The following GULP1 variants were observed in gnomAD, a reference collection of about 807,000 sequenced individuals.
The protein encoded by GULP1 is GULP PTB domain containing engulfment adaptor 1, also known as PTB domain-containing engulfment adapter protein 1.
A neutral mutation model predicts 40.9 loss-of-function variants in GULP1; 19 were observed. That is an observed-to-expected ratio of 0.46 (90% CI 0.32 to 0.68). GULP1 has a LOEUF of 0.68. Ranked by LOEUF, GULP1 falls within the 30% of genes least tolerant of loss-of-function variation. The pLI is 0.03. For missense variants in GULP1, 312 were observed against 362.2 expected, an observed-to-expected ratio of 0.86 and a Z score of 1.12; for synonymous variants, 119 against 117.6, an observed-to-expected ratio of 1.01 and a Z score of -0.08.
chr2:188,375,452 A>T (rs1276060118), intron 1 of GULP1, among the ~76,000 whole-genome samples: 2 of 152,204 alleles, frequency 1.3e-5, no homozygotes, highest in African/African-American at 4.8e-5. Flanking sequence ...AAGTTAATGA[A>T]TGCTTTCTGG....
intron 6 of GULP1, among the ~76,000 whole-genome samples, chr2:188,538,229 GT>G: frequency 6.6e-6 from 1 of 151,954 alleles, no homozygotes; most frequent in South Asian, 2.1e-4. Context: ...TAGCTTTGGG[GT>G]TAGTTGATAT....
chr2:188,491,978 G>T (rs192863585), intron 4 of GULP1, among the ~76,000 whole-genome samples: 4 of 151,870 alleles, frequency 2.6e-5, no homozygotes, highest in African/African-American at 7.2e-5. Context: ...CTTTTTGCTA[G>T]AACTAAGTGG....
At chr2:188,347,101 T>C (rs2043786841) in intron 1 of GULP1, among the ~76,000 whole-genome samples, 1 of 152,152 alleles carries the variant, frequency 6.6e-6, no homozygotes, top group African/African-American at 2.4e-5. Flanking sequence ...ATTGCTATTA[T>C]TTTATCACAA....
chr2:188,399,116 C>G (rs367970923), intron 2 of GULP1, among the ~76,000 whole-genome samples: 2 of 152,138 alleles, frequency 1.3e-5, no homozygotes, highest in African/African-American at 4.8e-5. Context: ...TCTTAGATCA[C>G]AAGTAACAGA....
chr2:188,580,548 G>A (rs1374355828), intron 9 of GULP1, among the ~76,000 whole-genome samples: 14 of 50,748 alleles, frequency 2.8e-4, no homozygotes, highest in South Asian at 1.3e-3. Flanking sequence ...GCGAGACTCC[G>A]TCTCAAAAAA....
At chr2:188,521,279 A>G (rs1459279294) in intron 4 of GULP1, among the ~76,000 whole-genome samples, 1 of 152,188 alleles carries the variant, frequency 6.6e-6, no homozygotes, top group African/African-American at 2.4e-5. Context: ...ACTTCTGTTT[A>G]GGAGGTATTA....
intron 2 of GULP1, among the ~76,000 whole-genome samples, chr2:188,414,700 T>A (rs1203443663): frequency 6.6e-6 from 1 of 152,132 alleles, no homozygotes; most frequent in Admixed American, 6.5e-5. Flanking sequence ...GGGCTTACAA[T>A]TTTGCTGTAT....
At chr2:188,507,161 C>T (rs567517667) in intron 4 of GULP1, among the ~76,000 whole-genome samples, 8 of 151,862 alleles carry the variant, frequency 5.3e-5, no homozygotes, top group African/African-American at 1.5e-4. Context: ...GGGATGTCAT[C>T]AAGGACTTTA....
chr2:188,311,402 G>C (rs1322948966), intron 1 of GULP1, among the ~76,000 whole-genome samples: 1 of 152,014 alleles, frequency 6.6e-6, no homozygotes, highest in African/African-American at 2.4e-5. Flanking sequence ...TCACCATGTT[G>C]GTCAGGATGG....
At chr2:188,309,251 A>G (rs2037661127) in intron 1 of GULP1, among the ~76,000 whole-genome samples, 1 of 152,076 alleles carries the variant, frequency 6.6e-6, no homozygotes, top group Non-Finnish European at 1.5e-5. Context: ...AGGTTGCTTG[A>G]GCCCAGCAGT....
chr2:188,472,058 T>A (rs2060633159), intron 2 of GULP1, among the ~76,000 whole-genome samples: 1 of 152,204 alleles, frequency 6.6e-6, no homozygotes, highest in South Asian at 2.1e-4. Context: ...GGATAAAAGA[T>A]TTTTTTCCTT....
intron 2 of GULP1, among the ~76,000 whole-genome samples, chr2:188,418,780 A>C (rs374107647): frequency 6.6e-6 from 1 of 152,250 alleles, no homozygotes; most frequent in Non-Finnish European, 1.5e-5. Flanking sequence ...TGTGTAATAC[A>C]TTATTGTTGA....
chr2:188,449,430 C>T (rs191392096), intron 2 of GULP1, among the ~76,000 whole-genome samples: 71 of 152,198 alleles, frequency 4.7e-4, no homozygotes, highest in Admixed American at 9.8e-4. Context: ...GGCCTGCAAC[C>T]CCAATACATC....
intron 2 of GULP1, among the ~76,000 whole-genome samples, chr2:188,435,666 G>A (rs2152838689): frequency 6.6e-6 from 1 of 152,194 alleles, no homozygotes; most frequent in African/African-American, 2.4e-5. Context: ...TTTCTGGGCT[G>A]TATTCTCATC....
At chr2:188,532,654 A>G (rs1056586813) in intron 6 of GULP1, among the ~76,000 whole-genome samples, 1 of 151,748 alleles carries the variant, frequency 6.6e-6, no homozygotes, top group Non-Finnish European at 1.5e-5. Flanking sequence ...GCAGTGGCTC[A>G]TGCCTGTAAT....
chr2:188,579,685 A>C (rs532722277), intron 9 of GULP1, among the ~76,000 whole-genome samples: 1 of 152,304 alleles, frequency 6.6e-6, no homozygotes, highest in Non-Finnish European at 1.5e-5. Flanking sequence ...TCCCTGATTT[A>C]CCATTCTGAA....
At chr2:188,425,743 A>C (rs2056106523) in intron 2 of GULP1, among the ~76,000 whole-genome samples, 1 of 152,128 alleles carries the variant, frequency 6.6e-6, no homozygotes, top group Non-Finnish European at 1.5e-5. Context: ...ATGAGTACTG[A>C]GTTTAAAATT....
chr2:188,522,287 A>G (rs1373366505), intron 4 of GULP1, among the ~76,000 whole-genome samples: 3 of 152,170 alleles, frequency 2.0e-5, no homozygotes, highest in Admixed American at 2.0e-4. Context: ...AATCTTTGGC[A>G]TCAGCAGGCA....
chr2:188,444,951 A>G (rs180794114), intron 2 of GULP1, among the ~76,000 whole-genome samples: 17 of 152,312 alleles, frequency 1.1e-4, no homozygotes, highest in African/African-American at 4.1e-4. Context: ...AATATGAAGA[A>G]ATTTTAAAGC....
Sources: allele counts gnomAD v4.1 joint callset (sites outside exome capture counted in the v4.1 genomes callset), GRCh38; gene constraint gnomAD v4.1.1; transcripts MANE v1.5; gene names NCBI Gene and HGNC (gene_info 2026-07-23, HGNC 2026-07-21).